MAN2A1: variants seen among roughly 807,000 people sequenced by gnomAD.
MAN2A1 encodes alpha-mannosidase 2.
Under a neutral mutation model 142.6 loss-of-function variants are expected in MAN2A1, and 76 were observed. The ratio of observed to expected loss-of-function variants is 0.53; its 90% confidence interval spans 0.44 to 0.65. MAN2A1 has a LOEUF of 0.65. Ranked by LOEUF, MAN2A1 falls within the 30% of genes least tolerant of loss-of-function variation. The pLI, the probability that MAN2A1 is intolerant of heterozygous loss-of-function variation, is 0.00. For missense variants in MAN2A1, 1,311 were observed against 1,365.1 expected (o/e 0.96, Z 0.62); for synonymous variants, 559 against 473.2 (o/e 1.18, Z -2.35).
chr5:109,827,418 C>T (rs941148715), intron 16 of MAN2A1, among the ~76,000 whole-genome samples: 1 of 152,172 alleles, frequency 6.6e-6, no homozygotes, highest in Non-Finnish European at 1.5e-5. Flanking sequence ...TGACCCTTTT[C>T]TCCCCAAAGT....
rs535300748 is a variant in MAN2A1, at chr5:109,772,957, A to G, written c.1197-1831A>G. The stretch of plus-strand genomic sequence containing the variant: ...TCAAGTTCATTTTTGGTCAAGTACT[A>G]TATATTTTAAGTTGGCTTTTTCTAT... On this transcript the variant is annotated intron_variant, in intron 7 of 21. Coordinates refer to ENST00000261483, the MANE Select transcript of MAN2A1 (RefSeq NM_002372.4). Among the ~76,000 whole-genome samples, 4 of 152,232 alleles carry G rather than the reference A, an allele frequency of 2.6e-5. No homozygotes were observed. In the East Asian group the frequency reaches 5.8e-4, roughly 22 times the overall value.
chr5:109,768,452 CAA>C, intron 6 of MAN2A1, among the ~76,000 whole-genome samples: 1 of 151,922 alleles, frequency 6.6e-6, no homozygotes, highest in East Asian at 1.9e-4. Flanking sequence ...AGCCATTTGC[CAA>C]AAGTCATATA....
Position 109,868,322 on chromosome 5 carries a change from C to T in MAN2A1, c.*1324C>T, listed in dbSNP as rs1580330264. 1 of 152,100 alleles carries T rather than the reference C, an allele frequency of 6.6e-6. No individual in the cohort carries two copies. The highest frequency in any genetic ancestry group is 2.1e-4 in the South Asian group (1 of 4,820). 9.4% of individuals were successfully genotyped at this position (152,100 alleles called of 1,614,324 possible). On this transcript the variant is annotated 3_prime_UTR_variant, in exon 22 of 22. Transcript: ENST00000261483. ...TAACCTTAAAGTGAAGTTCTGAGCCCGTGTGCCATTACAGTGCTTTTAATA... is the reference window on the plus strand; with the variant it reads ...TAACCTTAAAGTGAAGTTCTGAGCCTGTGTGCCATTACAGTGCTTTTAATA...
At chr5:109,703,872 G>A (rs1751056741) in intron 1 of MAN2A1, among the ~76,000 whole-genome samples, 1 of 152,162 alleles carries the variant, frequency 6.6e-6, no homozygotes, top group South Asian at 2.1e-4. Flanking sequence ...CTAAAATGTT[G>A]CCTCAACAGG....
At chr5:109,787,586 T>C (rs777095238) in intron 10 of MAN2A1, among the ~76,000 whole-genome samples, 10 of 152,042 alleles carry the variant, frequency 6.6e-5, no homozygotes, top group Non-Finnish European at 1.0e-4. Context: ...TAGTCTTTAG[T>C]ACTCATCTTA....
chr5:109,741,205 A>T (rs949919089), intron 4 of MAN2A1, among the ~76,000 whole-genome samples: 6 of 152,164 alleles, frequency 3.9e-5, no homozygotes, highest in South Asian at 2.1e-4. Context: ...AAATGGTTTT[A>T]TAGCCAGATT....
At chr5:109,736,193 A>G (rs754673661) in intron 4 of MAN2A1, among the ~76,000 whole-genome samples, 6 of 152,152 alleles carry the variant, frequency 3.9e-5, no homozygotes, top group Non-Finnish European at 8.8e-5. Context: ...AAACACACAC[A>G]CACAGAGTTG....
chr5:109,752,081 C>T (rs571586826), intron 4 of MAN2A1, among the ~76,000 whole-genome samples: 3 of 152,196 alleles, frequency 2.0e-5, no homozygotes, highest in South Asian at 4.2e-4. Context: ...ACTACCATTC[C>T]GTTAGACACC....
Position 109,691,793 on chromosome 5 carries a change from A to G in MAN2A1, c.135+1241A>G, listed in dbSNP as rs144420511. Among the ~76,000 whole-genome samples, 352 of 152,330 alleles carry G rather than the reference A, an allele frequency of 2.3e-3. 9 individuals carry two copies. Among genetic ancestry groups the G allele is most frequent in the Middle Eastern group, 0.01 (3 of 294 alleles). On this transcript the variant is annotated intron_variant, in intron 1 of 21. Coordinates refer to ENST00000261483, the MANE Select transcript of MAN2A1 (RefSeq NM_002372.4). ...AATTTTAAAAGCCTCTGCTTCCCCT[A>G]GGTAGTATGACAGAGAAAATAGAAA... is the stretch of plus-strand genomic sequence containing the variant.
rs566558325 is a variant in MAN2A1 at position 109,757,617 on chromosome 5, A to G, written c.835+2161A>G. Among the ~76,000 whole-genome samples the G allele has an allele frequency of 1.6e-4, 25 of 152,248 alleles. No homozygotes were observed. The South Asian group carries it at 4.8e-3, about 29-fold the overall frequency. ...TCACATAAATTCATAGATTTGTGCA[A>G]CCATCACCACAGTCTATTTTTAGAA... On this transcript the variant is annotated intron_variant, in intron 5 of 21. Transcript: ENST00000261483.
intron 2 of MAN2A1, 117 bp downstream of exon 2, chr5:109,713,891 C>G: frequency 1.1e-6 from 1 of 913,122 alleles, no homozygotes; most frequent in Non-Finnish European, 1.6e-6. Context: ...ATTCTAGTTT[C>G]TCTTTTTGTA....
intron 12 of MAN2A1, among the ~76,000 whole-genome samples, chr5:109,806,112 A>G (rs1754157553): frequency 6.6e-6 from 1 of 152,186 alleles, no homozygotes; most frequent in East Asian, 1.9e-4. Context: ...AATATAGAGC[A>G]GTCTGATAAG....
intron 12 of MAN2A1, among the ~76,000 whole-genome samples, chr5:109,804,993 C>T (rs1754128258): frequency 6.6e-6 from 1 of 152,126 alleles, no homozygotes; most frequent in African/African-American, 2.4e-5. Flanking sequence ...ATGAAAATTA[C>T]ATTTTGATTG....
intron 10 of MAN2A1, among the ~76,000 whole-genome samples, chr5:109,786,598 T>A (rs186150651): frequency 6.6e-6 from 1 of 152,104 alleles, no homozygotes; most frequent in Non-Finnish European, 1.5e-5. Flanking sequence ...AAATTTGCTA[T>A]GTTAGTACTT....
chr5:109,816,612 A>G (rs1193527328), intron 12 of MAN2A1, among the ~76,000 whole-genome samples: 1 of 152,222 alleles, frequency 6.6e-6, no homozygotes, highest in Non-Finnish European at 1.5e-5. Context: ...TTAGTGGTCT[A>G]AAATGAATAT....
intron 12 of MAN2A1, among the ~76,000 whole-genome samples, chr5:109,790,232 G>A (rs1454928290): frequency 6.6e-6 from 1 of 151,714 alleles, no homozygotes; most frequent in East Asian, 1.9e-4. Flanking sequence ...AAGATATTTA[G>A]TACCTCCTCT....
intron 20 of MAN2A1, chr5:109,862,376 A>G (rs1346584622): frequency 6.6e-6 from 1 of 152,194 alleles, no homozygotes; most frequent in East Asian, 1.9e-4. Flanking sequence ...CCCTGAATTA[A>G]GTTTGCAATG....
chr5:109,845,852 T>G lies in MAN2A1; in HGVS notation c.2701-13T>G. The G allele has an allele frequency of 6.2e-7, 1 of 1,602,620 alleles. No homozygotes were observed. The highest frequency in any genetic ancestry group is 1.1e-5 in the South Asian group (1 of 89,188). The stretch of plus-strand genomic sequence containing the variant: ...ATATCACTTTTTGTAGATGGAATTG[T>G]TGTGTTTTATAGATTCAACCTAGAA... On this transcript the variant is annotated splice_polypyrimidine_tract_variant and intron_variant, in intron 17 of 21. Transcript: ENST00000261483.
intron 4 of MAN2A1, among the ~76,000 whole-genome samples, chr5:109,753,933 A>G (rs866709617): frequency 6.6e-6 from 1 of 150,744 alleles, no homozygotes; most frequent in East Asian, 1.9e-4. Context: ...TTTTGACACA[A>G]TGTCTCACTC....
Sources: gnomAD v4.1 joint callset for allele counts (sites outside exome capture counted in the v4.1 genomes callset) on GRCh38, gnomAD v4.1.1 for gene constraint, MANE v1.5 for transcripts, NCBI Gene and HGNC (gene_info 2026-07-23, HGNC 2026-07-21) for gene names.